The following TNNI3K variants were observed in gnomAD, a reference collection of about 807,000 sequenced individuals.
TNNI3K encodes TNNI3 interacting kinase.
A neutral mutation model predicts 114.5 loss-of-function variants in TNNI3K; 140 were observed. That is an observed-to-expected ratio of 1.22 (90% CI 1.07 to 1.41). The LOEUF (loss-of-function observed/expected upper bound fraction) is 1.41. TNNI3K is among the 40% of genes most tolerant of loss of function. The pLI, the probability that TNNI3K is intolerant of heterozygous loss-of-function variation, is 0.00. For synonymous variants in TNNI3K, 347 were observed against 347.5 expected, an observed-to-expected ratio of 1.00 and a Z score of 0.02; for missense variants, 1,125 against 1,007.6, an observed-to-expected ratio of 1.12 and a Z score of -1.58.
chr1:74,345,097 A>G (rs1266993918), intron 9 of TNNI3K, among the ~76,000 whole-genome samples: 1 of 152,116 alleles, frequency 6.6e-6, no homozygotes, highest in Admixed American at 6.6e-5. Flanking sequence ...ATACACATAT[A>G]TGTGCATATA....
intron 5 of TNNI3K, among the ~76,000 whole-genome samples, chr1:74,311,591 A>G (rs1197718856): frequency 6.6e-6 from 1 of 152,186 alleles, no homozygotes; most frequent in Non-Finnish European, 1.5e-5. Context: ...TTCCCAGGGC[A>G]CATTTCATGA....
intron 21 of TNNI3K, chr1:74,470,552 T>C: frequency 2.5e-6 from 1 of 400,716 alleles, no homozygotes; most frequent in South Asian, 1.3e-4. Context: ...GGAATTGAAT[T>C]TGTCTTCATA....
chr1:74,384,669 TCA>T (rs1198083155), intron 17 of TNNI3K, among the ~76,000 whole-genome samples: 1 of 152,174 alleles, frequency 6.6e-6, no homozygotes, highest in African/African-American at 2.4e-5. Flanking sequence ...GTTTGGCTTG[TCA>T]CAGTCAAATT....
At chr1:74,371,813 A>G (rs192601097) in intron 17 of TNNI3K, 2 of 151,886 alleles carry the variant, frequency 1.3e-5, no homozygotes, top group Non-Finnish European at 1.5e-5. Context: ...ATTTGGAGCT[A>G]TATTATTGAA....
intron 24 of TNNI3K, among the ~76,000 whole-genome samples, chr1:74,540,992 G>C (rs1329886445): frequency 1.3e-5 from 2 of 152,174 alleles, no homozygotes; most frequent in African/African-American, 4.8e-5. Context: ...AATGTGTTAG[G>C]GCTGGGATGT....
chr1:74,313,108 T>C (rs1659091394), intron 5 of TNNI3K, among the ~76,000 whole-genome samples: 1 of 152,162 alleles, frequency 6.6e-6, no homozygotes, highest in Admixed American at 6.5e-5. Context: ...GGTTTATATC[T>C]TTGGAACTTC....
At chr1:74,264,963 T>C (rs904466613) in intron 4 of TNNI3K, among the ~76,000 whole-genome samples, 1 of 151,998 alleles carries the variant, frequency 6.6e-6, no homozygotes, top group Non-Finnish European at 1.5e-5. Context: ...ATATTTCTTT[T>C]TATAAAAATG....
chr1:74,386,395 C>A (rs964466057), intron 17 of TNNI3K, among the ~76,000 whole-genome samples: 1 of 151,526 alleles, frequency 6.6e-6, no homozygotes, highest in Admixed American at 6.6e-5. Context: ...AGATATGCAA[C>A]ACTGAAATGT....
intron 11 of TNNI3K, among the ~76,000 whole-genome samples, chr1:74,361,807 G>T (rs1258807256): frequency 2.0e-5 from 3 of 152,052 alleles, no homozygotes; most frequent in African/African-American, 7.2e-5. Flanking sequence ...ATGAATATTT[G>T]AGGAAGAAAA....
chr1:74,317,927 T>C (rs1233672315), intron 5 of TNNI3K, among the ~76,000 whole-genome samples: 1 of 152,190 alleles, frequency 6.6e-6, no homozygotes, highest in East Asian at 1.9e-4. Flanking sequence ...CTGTTCTTTC[T>C]TTGCACAGTT....
At chr1:74,325,552 T>TA (rs1659852693) in intron 5 of TNNI3K, among the ~76,000 whole-genome samples, 1 of 152,068 alleles carries the variant, frequency 6.6e-6, no homozygotes, top group South Asian at 2.1e-4. Flanking sequence ...AACGTAAAAT[T>TA]ATAAGAATCC....
intron 20 of TNNI3K, among the ~76,000 whole-genome samples, chr1:74,461,267 T>C (rs1050069402): frequency 1.3e-5 from 2 of 152,012 alleles, no homozygotes; most frequent in Non-Finnish European, 2.9e-5. Flanking sequence ...GATCACGAGG[T>C]CAGGAGATCG....
chr1:74,463,887 G>A (rs750921281), intron 21 of TNNI3K, among the ~76,000 whole-genome samples: 4 of 152,228 alleles, frequency 2.6e-5, no homozygotes, highest in Non-Finnish European at 4.4e-5. Context: ...TTTGGCACAA[G>A]ATGGATTTGT....
At chr1:74,275,951 CAG>C (rs1211524196) in intron 5 of TNNI3K, among the ~76,000 whole-genome samples, 3 of 152,018 alleles carry the variant, frequency 2.0e-5, no homozygotes, top group Non-Finnish European at 4.4e-5. Context: ...CCATAGGAAA[CAG>C]GGACTAATTG....
intron 5 of TNNI3K, among the ~76,000 whole-genome samples, chr1:74,317,525 TG>T (rs554316368): frequency 2.3e-4 from 35 of 152,116 alleles, no homozygotes; most frequent in Non-Finnish European, 4.6e-4. Context: ...GCTTTCTGGC[TG>T]GAGGAAATGC....
At chr1:74,412,468 G>C (rs1181176271) in intron 17 of TNNI3K, among the ~76,000 whole-genome samples, 1 of 152,172 alleles carries the variant, frequency 6.6e-6, no homozygotes, top group Non-Finnish European at 1.5e-5. Flanking sequence ...AGAAGCCCAA[G>C]CTGGGAGTAA....
At chr1:74,451,683 T>TTTTC (rs1158598409) in intron 20 of TNNI3K, among the ~76,000 whole-genome samples, 75 of 76,266 alleles carry the variant, frequency 9.8e-4, no homozygotes, top group Non-Finnish European at 1.4e-3. Context: ...TTTTCTTTTC[T>TTTTC]TTTCTTTCTT....
chr1:74,300,666 T>G (rs2100320572), intron 5 of TNNI3K, among the ~76,000 whole-genome samples: 1 of 152,356 alleles, frequency 6.6e-6, no homozygotes, highest in South Asian at 2.1e-4. Context: ...TCACAATTCC[T>G]GTCCCAGTTT....
At chr1:74,406,166 G>C (rs1012000835) in intron 17 of TNNI3K, among the ~76,000 whole-genome samples, 1 of 152,136 alleles carries the variant, frequency 6.6e-6, no homozygotes, top group South Asian at 2.1e-4. Flanking sequence ...TGAAGTCCCT[G>C]TTTCCTTTCT....
Sources: gnomAD v4.1 joint callset for allele counts (sites outside exome capture counted in the v4.1 genomes callset) on GRCh38, gnomAD v4.1.1 for gene constraint, MANE v1.5 for transcripts, NCBI Gene and HGNC (gene_info 2026-07-23, HGNC 2026-07-21) for gene names.